Variants in RGS7 observed in about 807,000 individuals in gnomAD.
RGS7 encodes the protein regulator of G protein signaling 7.
In RGS7, 27 loss-of-function variants were observed where a neutral mutation model predicts 81.1. The ratio of observed to expected loss-of-function variants is 0.33; its 90% CI spans 0.25 to 0.46. The LOEUF (loss-of-function observed/expected upper bound fraction) is 0.46. RGS7 is among the 20% of genes least tolerant of loss of function. The probability of loss-of-function intolerance (pLI) is 1.00; values close to 1 mark genes in which losing one functional copy is unlikely to be tolerated. For missense variants in RGS7, 396 were observed against 607.4 expected (o/e 0.65, Z 3.66); for synonymous variants, 208 against 207.7 (o/e 1.00, Z -0.01).
At chr1:240,814,923 A>G (rs561427771) in intron 11 of RGS7, 146 bp from the exon 12 acceptor site, 1 of 677,258 alleles carries the variant, frequency 1.5e-6, no homozygotes, top group Non-Finnish European at 2.7e-6. Flanking sequence ...ATAGAAGCAG[A>G]GGGCTCTTAA....
At chr1:241,009,860 G>A (rs913650348) in intron 3 of RGS7, among the ~76,000 whole-genome samples, 5 of 152,202 alleles carry the variant, frequency 3.3e-5, no homozygotes, top group Non-Finnish European at 7.3e-5. Context: ...GGTATTTGGG[G>A]TAGTACCTAG....
chr1:241,126,206 G>A (rs1253317133), intron 2 of RGS7, among the ~76,000 whole-genome samples: 2 of 151,980 alleles, frequency 1.3e-5, no homozygotes, highest in African/African-American at 2.4e-5. Context: ...CTGGAGTGCA[G>A]TGGTGCAATC....
chr1:241,275,745 G>A (rs1056202862), intron 2 of RGS7, among the ~76,000 whole-genome samples: 2 of 152,224 alleles, frequency 1.3e-5, no homozygotes, highest in East Asian at 3.9e-4. Flanking sequence ...TAACAAGGCA[G>A]GCTGCAAGCA....
chr1:241,166,848 T>C (rs2070294229), intron 2 of RGS7, among the ~76,000 whole-genome samples: 1 of 151,916 alleles, frequency 6.6e-6, no homozygotes, highest in South Asian at 2.1e-4. Flanking sequence ...ACAAAGAGAG[T>C]GAACAATGGA....
chr1:241,335,162 G>A (rs1235466380), intron 2 of RGS7, among the ~76,000 whole-genome samples: 1 of 152,182 alleles, frequency 6.6e-6, no homozygotes, highest in Non-Finnish European at 1.5e-5. Flanking sequence ...GGGGAGAGGA[G>A]GAAGTTATTC....
At chr1:241,294,405 T>G (rs910213254) in intron 2 of RGS7, among the ~76,000 whole-genome samples, 1 of 152,154 alleles carries the variant, frequency 6.6e-6, no homozygotes, top group African/African-American at 2.4e-5. Context: ...AACCTGCACA[T>G]TCTGCACATG....
intron 6 of RGS7, among the ~76,000 whole-genome samples, chr1:240,901,989 C>T (rs918765863): frequency 6.6e-6 from 1 of 152,140 alleles, no homozygotes; most frequent in African/African-American, 2.4e-5. Flanking sequence ...GTTCTGACAA[C>T]CCTTTATGTT....
intron 3 of RGS7, among the ~76,000 whole-genome samples, chr1:240,987,895 A>T (rs1238927112): frequency 6.6e-6 from 1 of 152,168 alleles, no homozygotes; most frequent in Non-Finnish European, 1.5e-5. Context: ...TTTTTCCAAC[A>T]TTATTCTTTG....
At chr1:240,805,676 T>C (rs910892405) in intron 15 of RGS7, among the ~76,000 whole-genome samples, 1 of 152,178 alleles carries the variant, frequency 6.6e-6, no homozygotes, top group East Asian at 1.9e-4. Flanking sequence ...TGGTTTGAGT[T>C]TGACATAACT....
chr1:241,199,454 G>C (rs2073334429), intron 2 of RGS7, among the ~76,000 whole-genome samples: 1 of 151,904 alleles, frequency 6.6e-6, no homozygotes, highest in African/African-American at 2.4e-5. Context: ...TTAGTAAACA[G>C]TATCTAGAAA....
chr1:241,227,300 A>G (rs190665542), intron 2 of RGS7, among the ~76,000 whole-genome samples: 27 of 152,256 alleles, frequency 1.8e-4, no homozygotes, highest in Non-Finnish European at 4.4e-5. Flanking sequence ...CTTGGAAGTG[A>G]CAAAGGCTGG....
chr1:241,114,323 T>TTC (rs111719705), intron 2 of RGS7, among the ~76,000 whole-genome samples: 6,177 of 151,628 alleles, frequency 0.041, 399 homozygotes, highest in African/African-American at 0.14. Context: ...AGCTCGCTCT[T>TTC]TCTCTCTCTC....
At chr1:241,140,729 C>T (rs1466050851) in intron 2 of RGS7, among the ~76,000 whole-genome samples, 1 of 152,162 alleles carries the variant, frequency 6.6e-6, no homozygotes, top group East Asian at 1.9e-4. Flanking sequence ...GCATCTTTAA[C>T]TCTCATTTTT....
rs1333507881 is a variant in RGS7, at chr1:241,108,963, TTC to T, written c.79-10203_79-10202del. Among the ~76,000 whole-genome samples, 5 of 152,210 alleles carry T rather than the reference TTC, an allele frequency of 3.3e-5. No homozygotes were observed. In the South Asian group the frequency reaches 6.2e-4, roughly 19 times the overall value. Reference sequence around the variant, plus strand: ...TAGTTCACATACTGCCTGCTTGAAATTCTCTCTTATACGAACTCCTTACCTCC... The same window carrying T: ...TAGTTCACATACTGCCTGCTTGAAATTCTCTTATACGAACTCCTTACCTCC... On this transcript the variant is annotated intron_variant, in intron 2 of 18. Coordinates refer to ENST00000440928, the MANE Select transcript of RGS7 (RefSeq NM_001364886.1).
At chr1:241,233,325 T>C (rs977607276) in intron 2 of RGS7, among the ~76,000 whole-genome samples, 1 of 152,136 alleles carries the variant, frequency 6.6e-6, no homozygotes. Context: ...ACACCAGGTG[T>C]TATGTCTTCT....
At chr1:241,231,648 C>T (rs190002705) in intron 2 of RGS7, among the ~76,000 whole-genome samples, 91 of 152,296 alleles carry the variant, frequency 6.0e-4, no homozygotes, top group African/African-American at 2.1e-3. Flanking sequence ...CGTGAGCCAC[C>T]ATGCCTGGCC....
At chr1:240,799,801 T>C (rs1277661554) in intron 18 of RGS7, among the ~76,000 whole-genome samples, 1 of 152,198 alleles carries the variant, frequency 6.6e-6, no homozygotes, top group African/African-American at 2.4e-5. Context: ...TGGTTTAGAA[T>C]AGAGGTGGCA....
At chr1:240,854,969 G>A (rs1409867991) in intron 9 of RGS7, among the ~76,000 whole-genome samples, 2 of 151,940 alleles carry the variant, frequency 1.3e-5, no homozygotes, top group East Asian at 1.9e-4. Flanking sequence ...CCTTCATCTC[G>A]GACGTTACAG....
chr1:241,263,385 G>C (rs2077432710), intron 2 of RGS7, among the ~76,000 whole-genome samples: 1 of 152,074 alleles, frequency 6.6e-6, no homozygotes, highest in Admixed American at 6.6e-5. Flanking sequence ...CTGTCTCTGG[G>C]GAACATGTAG....
Sources: gnomAD v4.1 joint callset for allele counts (sites outside exome capture counted in the v4.1 genomes callset) on GRCh38, gnomAD v4.1.1 for gene constraint, MANE v1.5 for transcripts, NCBI Gene and HGNC (gene_info 2026-07-23, HGNC 2026-07-21) for gene names.